RECQL4: variants seen among roughly 807,000 people sequenced by gnomAD.
RECQL4 encodes ATP-dependent DNA helicase Q4.
Under a neutral mutation model 128.6 loss-of-function variants are expected in RECQL4, and 158 were observed. The observed-to-expected ratio is 1.23, with a 90% CI of 1.08 to 1.40. The LOEUF is 1.40. RECQL4 is among the 40% of genes most tolerant of loss of function. The probability of loss-of-function intolerance (pLI) is 0.00; values close to 1 mark genes in which losing one functional copy is unlikely to be tolerated. For synonymous variants in RECQL4, 996 were observed against 678.9 expected (o/e 1.47, Z -7.26); for missense variants, 2,293 against 1,649.8 (o/e 1.39, Z -6.75).
rs759774724 is a variant in RECQL4, at chr8:144,513,204, G to A, written c.2463+14C>T. On this transcript the variant is annotated intron_variant, in intron 14 of 20. Coordinates refer to ENST00000617875, the MANE Select transcript of RECQL4 (RefSeq NM_004260.4). ...GGCTCGAGCACTGGCAGTGTGGGGG[G>A]GGGGGGTGCCAACCTGGGGCTGCAG... The A allele has an allele frequency of 1.8e-4, 283 of 1,562,646 alleles. No homozygotes were observed. The highest frequency in any genetic ancestry group is 2.3e-4 in the Non-Finnish European group (264 of 1,158,314).
At chr8:144,514,592 G>A (rs1169151339) in intron 9 of RECQL4, 67 bp from the exon 10 acceptor site, 2 of 1,491,516 alleles carry the variant, frequency 1.3e-6, no homozygotes, top group African/African-American at 2.8e-5. Flanking sequence ...AGTCATCCCA[G>A]AGCTGCTGCC....
Position 144,515,255 on chromosome 8 carries a change from A to T in RECQL4, c.1391-13T>A. ...TCAGCCGGCGTCTCTGCAGACACAGATGTTGATCACCATGACTTGAGTCAC... is the reference window on the plus strand; with the variant it reads ...TCAGCCGGCGTCTCTGCAGACACAGTTGTTGATCACCATGACTTGAGTCAC... On this transcript the variant is annotated splice_polypyrimidine_tract_variant and intron_variant, in intron 7 of 20. Transcript: ENST00000617875. 1.2e-6 allele frequency: 2 copies of T among 1,603,840 alleles called. No individual in the cohort carries two copies. The highest frequency in any genetic ancestry group is 1.7e-6 in the Non-Finnish European group (2 of 1,175,816).
intron 4 of RECQL4, 82 bp downstream of exon 4, chr8:144,516,968 T>C: frequency 1.3e-6 from 2 of 1,533,410 alleles, no homozygotes; most frequent in Admixed American, 3.9e-5. Flanking sequence ...TGCCTGTCTG[T>C]GTGGAAAAAA....
rs1554899728 is a variant in RECQL4 at position 144,514,233 on chromosome 8, G to A, written c.1834C>T (p.Gln612Ter). Reference sequence around the variant, plus strand: ...CAGGGCCGGAAGTTGTGGGACCACTGGGAGAGGCAGTGGGCCTCATCAATG... The same window carrying A: ...CAGGGCCGGAAGTTGTGGGACCACTAGGAGAGGCAGTGGGCCTCATCAATG... ...ACIDEAHCLSQWSHNFRPCYL... is the reference protein window; with the variant it reads ...ACIDEAHCLS The change falls in exon 11 of 21, where the codon CAG becomes TAG. Residue 612 changes from glutamine (Q) to a stop codon, truncating the protein, a stop_gained. Transcript: ENST00000617875. LOFTEE classifies it high-confidence loss of function. 1.2e-6 allele frequency: 2 copies of A among 1,612,362 alleles called. No homozygotes were observed. The highest frequency in any genetic ancestry group is 1.1e-5 in the South Asian group (1 of 91,088).
rs2130728222 is a variant in RECQL4, at chr8:144,516,646, T to A, written c.473A>T (p.Glu158Val). Reference sequence around the variant, plus strand: ...CTGGGGCTCAGGGAGCTGTGGAGGCTCATCACTGACTTTTTCTGCAAAGGA... The same window carrying A: ...CTGGGGCTCAGGGAGCTGTGGAGGCACATCACTGACTTTTTCTGCAAAGGA... ...VPSFAEKVSD[E>V]PPQLPEPQPR... The change falls in exon 5 of 21, where the codon GAG becomes GTG. Residue 158 changes from glutamate (E) to valine (V), a missense_variant. By Grantham distance (121) the Glu-to-Val change is moderately radical. Coordinates refer to ENST00000617875, the MANE Select transcript of RECQL4 (RefSeq NM_004260.4). 6.2e-7 allele frequency: 1 copy of A among 1,606,538 alleles called. No homozygotes were observed. The highest frequency in any genetic ancestry group is 8.5e-7 in the Non-Finnish European group (1 of 1,176,596).
intron 13 of RECQL4, 29 bp downstream of exon 13, chr8:144,513,542 C>T (rs373050887): frequency 5.6e-6 from 9 of 1,610,664 alleles, no homozygotes; most frequent in South Asian, 1.1e-5. Context: ...GGTGGGTCCA[C>T]GGGGACACCA....
rs373784742 is a variant in RECQL4, at chr8:144,512,495, G to A, written c.2952C>T (p.Ser984=). 65 of 1,612,340 alleles carry A rather than the reference G, an allele frequency of 4.0e-5. No homozygotes were observed. The highest frequency in any genetic ancestry group is 3.3e-4 in the Middle Eastern group (2 of 6,082). The change falls in exon 17 of 21, where the codon TCC becomes TCT. Residue 984 remains serine, a synonymous_variant. Coordinates refer to ENST00000617875, the MANE Select transcript of RECQL4 (RefSeq NM_004260.4). ...LPEDPGQGSS[S]VEFDMVKLVD... ...CCAGCTTGACCATGTCAAACTCCAC[G>A]GAGCTGCTGCCTTGCCCTGGGTCCT... is the stretch of plus-strand genomic sequence containing the variant.
In RECQL4 at chr8:144,512,189, C is replaced by T. The variant is rs757703895; in HGVS notation, c.3191G>A (p.Arg1064His). 2.7e-5 allele frequency: 43 copies of T among 1,611,520 alleles called. 1 individual carries two copies. The highest frequency in any genetic ancestry group is 8.9e-5 in the East Asian group (4 of 44,836). ...TCTGCGCAGACGGGCCAGGGCCTGG[C>T]GCTCCCGGGCCTGCACACGGCCATA... ...FLYGRVQARE[R>H]QALARLRRTF... The change falls in exon 18 of 21, where the codon CGC (arginine) becomes CAC (histidine). Residue 1064 changes from arginine to histidine, a missense_variant. By Grantham distance (29) the Arg-to-His change is conservative. Coordinates refer to ENST00000617875, the MANE Select transcript of RECQL4 (RefSeq NM_004260.4).
chr8:144,515,199 G>A lies in RECQL4; in HGVS notation c.1434C>T (p.His478=). Residue 478 remains histidine, a synonymous_variant, in exon 8 of 21, where the codon CAC becomes CAT. Coordinates refer to ENST00000617875, the MANE Select transcript of RECQL4 (RefSeq NM_004260.4). ...EVFQALEQLG[H]QAFRPGQERA... ...GCTCCTGCCCAGGGCGAAAGGCTTG[G>A]TGCCCCAGCTGCTCCAGGGCCTGGA... The A allele has an allele frequency of 6.4e-7, 1 of 1,570,928 alleles. No homozygotes were observed. The highest frequency in any genetic ancestry group is 8.6e-7 in the Non-Finnish European group (1 of 1,159,012).
chr8:144,514,246 G>A lies in RECQL4; in HGVS notation c.1821C>T (p.Ala607=), dbSNP rs369178106. The A allele has an allele frequency of 2.3e-5, 37 of 1,612,158 alleles. No individual in the cohort carries two copies. The African/African-American group carries it at 4.4e-4, about 19-fold the overall frequency. Residue 607 remains alanine, a synonymous_variant, in exon 11 of 21, where the codon GCC becomes GCT. Coordinates refer to ENST00000617875, the MANE Select transcript of RECQL4 (RefSeq NM_004260.4). ...PPVAFACIDE[A]HCLSQWSHNF... ...TGTGGGACCACTGGGAGAGGCAGTG[G>A]GCCTCATCAATGCAGGCAAAAGCAA...
intron 15 of RECQL4, 24 bp from the exon 16 acceptor site, chr8:144,512,795 G>C (rs375179308): frequency 6.2e-7 from 1 of 1,610,352 alleles, no homozygotes; most frequent in African/African-American, 1.3e-5. Context: ...AGGGCTCAGC[G>C]GACGCGGGGA....
intron 11 of RECQL4, 27 bp downstream of exon 11, chr8:144,514,162 G>C (rs368942006): frequency 6.2e-7 from 1 of 1,611,100 alleles, no homozygotes; most frequent in Non-Finnish European, 8.5e-7. Flanking sequence ...GGCCCTGGCC[G>C]CCCACCCCAG....
intron 12 of RECQL4, 42 bp downstream of exon 12, chr8:144,513,886 G>GT: frequency 3.9e-6 from 6 of 1,520,806 alleles, no homozygotes; most frequent in South Asian, 1.2e-5. Context: ...TGGGCAGTCA[G>GT]CAGCCAGGGC....
Position 144,514,214 on chromosome 8 carries a change from CG to C in RECQL4, c.1852del (p.Arg618GlyfsTer72), listed in dbSNP as rs909588820. 4.3e-6 allele frequency: 7 copies of C among 1,612,162 alleles called. No individual in the cohort carries two copies. The highest frequency in any genetic ancestry group is 1.1e-5 in the South Asian group (1 of 91,080). Reference sequence around the variant, plus strand: ...CTTGCAGACGCGCAGGTAGCAGGGCCGGAAGTTGTGGGACCACTGGGAGAGG... The same window carrying C: ...CTTGCAGACGCGCAGGTAGCAGGGCCGAAGTTGTGGGACCACTGGGAGAGG... ...HCLSQWSHNF[R>X]PCYLRVCKVL... is the part of the protein sequence containing the mutation. On this transcript the variant is annotated frameshift_variant, in exon 11 of 21. Coordinates refer to ENST00000617875, the MANE Select transcript of RECQL4 (RefSeq NM_004260.4). LOFTEE classifies it high-confidence loss of function.
chr8:144,517,129 G>A lies in RECQL4; in HGVS notation c.275C>T (p.Ser92Phe), dbSNP rs200516441. Residue 92 changes from serine to phenylalanine, a missense_variant, in exon 4 of 21, where the codon TCT (serine) becomes TTT (phenylalanine). Transcript: ENST00000617875. ...GCCCTGGCGGCTCCGCCCTGGCGTA[G>A]ACTGTGGACTCTTGGTCGCAGCCCG... ...LNRAATKSPQ[S>F]TPGRSRQGSV... 2,494 of 1,612,184 alleles carry A rather than the reference G, an allele frequency of 1.5e-3. 35 individuals are homozygous for A. The African/African-American group carries it at 0.03, about 19-fold the overall frequency.
chr8:144,513,798 A>AGAGAGGAGGG, intron 12 of RECQL4, 86 bp from the exon 13 acceptor site: 1 of 732,214 alleles, frequency 1.4e-6, no homozygotes. Flanking sequence ...CGGCGTGGGG[A>AGAGAGGAGGG]GTGAGGAGGG....
At chr8:144,516,802 GC>G in intron 4 of RECQL4, 38 bp from the exon 5 acceptor site, 10 of 1,507,676 alleles carry the variant, frequency 6.6e-6, no homozygotes, top group Non-Finnish European at 8.0e-6. Context: ...AGGAACTCAG[GC>G]CCCTGAGCTA....
Position 144,514,113 on chromosome 8 carries a change from C to T in RECQL4, c.1879-6G>A, listed in dbSNP as rs765433205. ...CCCATGCGCTCCCGAAGCACCTGCACCAGAGGCGGCAGTGGTGTGAGGCCG... is the reference window on the plus strand; with the variant it reads ...CCCATGCGCTCCCGAAGCACCTGCATCAGAGGCGGCAGTGGTGTGAGGCCG... On this transcript the variant is annotated splice_region_variant and splice_polypyrimidine_tract_variant and intron_variant, in intron 11 of 20. Coordinates refer to ENST00000617875, the MANE Select transcript of RECQL4 (RefSeq NM_004260.4). 1 of 1,608,028 alleles carries T rather than the reference C, an allele frequency of 6.2e-7. No homozygotes were observed. Among genetic ancestry groups the T allele is most frequent in the South Asian group, 1.1e-5 (1 of 90,418 alleles).
At position 144,513,971 on chromosome 8, in the gene RECQL4, G is replaced by A. The variant is rs772696526; in HGVS notation, c.2015C>T (p.Thr672Ile). Residue 672 changes from threonine to isoleucine, a missense_variant, in exon 12 of 21, where the codon ACC (threonine) becomes ATC (isoleucine). By Grantham distance (89) the Thr-to-Ile change is moderately conservative. Coordinates refer to ENST00000617875, the MANE Select transcript of RECQL4 (RefSeq NM_004260.4). Reference sequence around the variant, plus strand: ...CATGGACACGGAAAGGTGCAGGTTGGTGGGAACTGGGGCTGGCCCGTGGAG... The same window carrying A: ...CATGGACACGGAAAGGTGCAGGTTGATGGGAACTGGGGCTGGCCCGTGGAG... ...PDLHGPAPVP[T>I]NLHLSVSMDR... The A allele has an allele frequency of 6.4e-7, 1 of 1,563,494 alleles. No homozygotes were observed. Among genetic ancestry groups the A allele is most frequent in the Non-Finnish European group, 8.7e-7 (1 of 1,154,632 alleles).
Sources: gnomAD v4.1 joint callset for allele counts on GRCh38, gnomAD v4.1.1 for gene constraint, MANE v1.5 for transcripts, NCBI Gene and HGNC (gene_info 2026-07-23, HGNC 2026-07-21) for gene names.